ST7: variants seen among roughly 807,000 people sequenced by gnomAD.
The protein encoded by ST7 is suppressor of tumorigenicity 7 protein.
Under a neutral mutation model 78.7 loss-of-function variants are expected in ST7, and 28 were observed. The ratio of observed to expected loss-of-function variants is 0.36; its 90% CI spans 0.26 to 0.49. ST7 has a LOEUF of 0.49. ST7 is among the 20% of genes least tolerant of loss of function. The pLI is 0.99. For synonymous variants in ST7, 247 were observed against 249.6 expected (o/e 0.99, Z 0.10); for missense variants, 418 against 696.0 (o/e 0.60, Z 4.49).
At chr7:117,032,695 G>A (rs761390442) in intron 1 of ST7, among the ~76,000 whole-genome samples, 11 of 152,174 alleles carry the variant, frequency 7.2e-5, no homozygotes, top group Non-Finnish European at 1.6e-4. Flanking sequence ...ACCTGAAACA[G>A]CATGTTATGT....
At chr7:116,960,838 A>G (rs113172368) in intron 1 of ST7, among the ~76,000 whole-genome samples, 107 of 152,064 alleles carry the variant, frequency 7.0e-4, no homozygotes, top group African/African-American at 2.5e-3. Flanking sequence ...TTTATTTGTC[A>G]ATTTTTGCTT....
intron 1 of ST7, among the ~76,000 whole-genome samples, chr7:116,976,013 C>T (rs1793686368): frequency 6.6e-6 from 1 of 152,012 alleles, no homozygotes; most frequent in African/African-American, 2.4e-5. Flanking sequence ...GTAATCCCAG[C>T]ACTTTGGGAG....
At chr7:117,104,176 C>T (rs1012056324) in intron 2 of ST7, among the ~76,000 whole-genome samples, 2 of 152,190 alleles carry the variant, frequency 1.3e-5, no homozygotes, top group African/African-American at 4.8e-5. Flanking sequence ...TGCAGTGGCT[C>T]ACGCCTGCAA....
chr7:117,229,665 T>G, intron 15 of ST7, 97 bp from the exon 16 acceptor site: 1 of 977,226 alleles, frequency 1.0e-6, no homozygotes, highest in Non-Finnish European at 1.5e-6. Context: ...ACTTTCGTAA[T>G]GCAGAGACTT....
intron 1 of ST7, among the ~76,000 whole-genome samples, chr7:117,087,158 C>A (rs1800215135): frequency 6.6e-6 from 1 of 152,104 alleles, no homozygotes; most frequent in South Asian, 2.1e-4. Context: ...ATTTTACTAC[C>A]CCATGGCCTG....
chr7:117,215,173 A>C (rs1792596896), intron 13 of ST7, among the ~76,000 whole-genome samples: 1 of 152,112 alleles, frequency 6.6e-6, no homozygotes, highest in Non-Finnish European at 1.5e-5. Context: ...AAGGCCACAC[A>C]ATTAGGTAGT....
At chr7:117,091,462 A>C (rs1406151430) in intron 1 of ST7, among the ~76,000 whole-genome samples, 2 of 152,256 alleles carry the variant, frequency 1.3e-5, no homozygotes, top group East Asian at 3.8e-4. Context: ...ATATTAAAAA[A>C]ACAGCTCCTC....
At chr7:117,062,204 G>A (rs948353599) in intron 1 of ST7, among the ~76,000 whole-genome samples, 1 of 152,108 alleles carries the variant, frequency 6.6e-6, no homozygotes, top group Non-Finnish European at 1.5e-5. Context: ...TCCCTTGGGC[G>A]CTTCTCTCAT....
chr7:117,021,745 T>C (rs1795925065), intron 1 of ST7, among the ~76,000 whole-genome samples: 1 of 152,238 alleles, frequency 6.6e-6, no homozygotes, highest in South Asian at 2.1e-4. Context: ...CATCTCAGAC[T>C]ACCACATTGC....
At chr7:117,186,299 C>A (rs1444426816) in intron 10 of ST7, among the ~76,000 whole-genome samples, 2 of 152,068 alleles carry the variant, frequency 1.3e-5, no homozygotes, top group Non-Finnish European at 2.9e-5. Flanking sequence ...CACTTTGTGG[C>A]CATTATGCAA....
rs78713951 is a variant in ST7, at chr7:117,020,481, T to G, written c.151+66790T>G. 8,508 of 1,157,958 alleles carry G rather than the reference T, an allele frequency of 7.3e-3. 62 individuals are homozygous for G. Among genetic ancestry groups the G allele is most frequent in the Non-Finnish European group, 8.4e-3 (6,986 of 832,238 alleles). 71.7% of individuals were successfully genotyped at this position (1,157,958 alleles called of 1,614,324 possible). On this transcript the variant is annotated intron_variant, in intron 1 of 15. Transcript: ENST00000323984. The stretch of plus-strand genomic sequence containing the variant: ...CACAGCTTGGACTGCATTGTCTGGC[T>G]TCATGACCCCTGCTGTGTAGCCGGC...
chr7:117,210,328 G>T (rs973010853), intron 13 of ST7, among the ~76,000 whole-genome samples: 2 of 152,166 alleles, frequency 1.3e-5, no homozygotes, highest in Non-Finnish European at 2.9e-5. Context: ...GGGAGGGTTG[G>T]CTAAGAGCCA....
intron 2 of ST7, chr7:117,118,066 C>T (rs1023228348): frequency 6.6e-6 from 1 of 152,614 alleles, no homozygotes; most frequent in African/African-American, 2.4e-5. Context: ...AGAGAAAATA[C>T]TTGGATGTTT....
Position 117,070,403 on chromosome 7 carries a change from C to T in ST7, c.152-29359C>T, listed in dbSNP as rs78060878. On this transcript the variant is annotated intron_variant, in intron 1 of 15. Coordinates refer to ENST00000323984, the MANE Select transcript of ST7 (RefSeq NM_001369598.1). ...TGAATGATTACTTGCAAAAGGTATT[C>T]TAAGGGTGGTTGTCAGGGAATGGGA... Among the ~76,000 whole-genome samples, 57 of 152,210 alleles carry T rather than the reference C, an allele frequency of 3.7e-4. 1 individual carries two copies. The East Asian group carries it at 0.011, about 28-fold the overall frequency.
At chr7:117,017,935 T>C (rs1320521101) in intron 1 of ST7, among the ~76,000 whole-genome samples, 3 of 152,306 alleles carry the variant, frequency 2.0e-5, no homozygotes, top group African/African-American at 7.2e-5. Context: ...CCTGATGTTT[T>C]TAGCATACTG....
chr7:117,076,139 A>G (rs1799320893), intron 1 of ST7, among the ~76,000 whole-genome samples: 2 of 152,214 alleles, frequency 1.3e-5, no homozygotes, highest in African/African-American at 4.8e-5. Context: ...CACCTGATTA[A>G]AGCCTTCTTC....
chr7:117,189,406 T>C lies in ST7; in HGVS notation c.1151+13T>C, dbSNP rs1809570452. 3 of 1,592,190 alleles carry C rather than the reference T, an allele frequency of 1.9e-6. No homozygotes were observed. The highest frequency in any genetic ancestry group is 1.3e-5 in the African/African-American group (1 of 74,542). ...CTGTCTCTGACAAGTAAGTGAATAA[T>C]AGTTTGCGCGGTACTAATGCCTGAC... On this transcript the variant is annotated intron_variant, in intron 11 of 15. Coordinates refer to ENST00000323984, the MANE Select transcript of ST7 (RefSeq NM_001369598.1).
At chr7:117,205,979 A>G (rs762171023) in intron 12 of ST7, among the ~76,000 whole-genome samples, 1 of 152,092 alleles carries the variant, frequency 6.6e-6, no homozygotes, top group Non-Finnish European at 1.5e-5. Flanking sequence ...TGTTCCATTT[A>G]TTTTTCTCTT....
chr7:117,180,869 C>T (rs1405147461), intron 10 of ST7, among the ~76,000 whole-genome samples: 1 of 152,100 alleles, frequency 6.6e-6, no homozygotes, highest in Non-Finnish European at 1.5e-5. Flanking sequence ...TAGGTTGTTT[C>T]TTGAATTCCT....
Sources: gnomAD v4.1 joint callset for allele counts (sites outside exome capture counted in the v4.1 genomes callset) on GRCh38, gnomAD v4.1.1 for gene constraint, MANE v1.5 for transcripts, NCBI Gene and HGNC (gene_info 2026-07-23, HGNC 2026-07-21) for gene names.